The following PHYKPL variants were observed in gnomAD, a reference collection of about 807,000 sequenced individuals.
PHYKPL encodes 5-phosphohydroxy-L-lysine phospho-lyase, also known as 5-phosphonooxy-L-lysine phospho-lyase.
In PHYKPL, 42 loss-of-function variants were observed where a neutral mutation model predicts 51.3. The observed-to-expected ratio is 0.82, with a 90% CI of 0.64 to 1.06. The LOEUF (loss-of-function observed/expected upper bound fraction) is 1.06, where lower values mean the gene tolerates loss of function less well. Ranked by LOEUF, PHYKPL falls within the 50% of genes least tolerant of loss-of-function variation. The probability of loss-of-function intolerance (pLI) is 0.00; values close to 1 mark genes in which losing one functional copy is unlikely to be tolerated. For missense variants in PHYKPL, 655 were observed against 586.6 expected, an observed-to-expected ratio of 1.12 and a Z score of -1.20; for synonymous variants, 264 against 236.0, an observed-to-expected ratio of 1.12 and a Z score of -1.09.
intron 12 of PHYKPL, chr5:178,209,525 C>A: frequency 7.9e-7 from 1 of 1,271,034 alleles, no homozygotes; most frequent in Non-Finnish European, 1.1e-6. Flanking sequence ...GGGGCTCCCT[C>A]TGGTGCTGTG....
intron 10 of PHYKPL, among the ~76,000 whole-genome samples, chr5:178,214,530 G>C (rs1759347701): frequency 6.6e-6 from 1 of 152,146 alleles, no homozygotes; most frequent in Non-Finnish European, 1.5e-5. Context: ...TGCTGCTCTG[G>C]TCTGGGAATA....
intron 12 of PHYKPL, among the ~76,000 whole-genome samples, chr5:178,209,753 TA>T (rs1757613749): frequency 1.3e-5 from 2 of 152,066 alleles, no homozygotes; most frequent in African/African-American, 2.4e-5. Context: ...TGTGAGCAGG[TA>T]GGCAGAAGGG....
chr5:178,222,708 C>T, intron 7 of PHYKPL, 128 bp from the exon 8 acceptor site: 1 of 1,337,638 alleles, frequency 7.5e-7, no homozygotes. Flanking sequence ...CAATGGCTGG[C>T]CTTCTCTGGG....
At chr5:178,219,535 C>T (rs1177911709) in intron 8 of PHYKPL, among the ~76,000 whole-genome samples, 1 of 151,678 alleles carries the variant, frequency 6.6e-6, no homozygotes, top group Non-Finnish European at 1.5e-5. Context: ...CTGCAAGCTC[C>T]GCCTCCCGGG....
Position 178,230,866 on chromosome 5 carries a change from G to C in PHYKPL, c.178+539C>G, listed in dbSNP as rs139395044. 1.3e-3 allele frequency: 201 copies of C among 153,772 alleles called. 2 individuals are homozygous for C. The highest frequency in any genetic ancestry group is 0.01 in the Middle Eastern group (3 of 294). The allele number at this position is 153,772 out of a possible 1,614,324, so 9.5% of individuals were successfully genotyped here. ...TTAAGTAACTTGCCCGAGATCACAA[G>C]TTAGTAAGTAGGGGACAGGGATTTG... is the stretch of plus-strand genomic sequence containing the variant. On this transcript the variant is annotated intron_variant, in intron 2 of 12. Coordinates refer to ENST00000308158, the MANE Select transcript of PHYKPL (RefSeq NM_153373.4).
intron 12 of PHYKPL, among the ~76,000 whole-genome samples, 166 bp from the exon 13 acceptor site, chr5:178,209,081 G>C (rs78891792): frequency 1.3e-5 from 2 of 152,186 alleles, no homozygotes; most frequent in Non-Finnish European, 2.9e-5. Flanking sequence ...CATTAGATAC[G>C]GAGTTGCTCT....
intron 10 of PHYKPL, 47 bp downstream of exon 10, chr5:178,214,749 G>A (rs1297596140): frequency 1.0e-5 from 16 of 1,548,952 alleles, no homozygotes; most frequent in Non-Finnish European, 1.4e-5. Flanking sequence ...AGAGGTACCT[G>A]TGGTGTCTCC....
intron 2 of PHYKPL, 98 bp from the exon 3 acceptor site, chr5:178,230,197 T>G: frequency 6.7e-7 from 1 of 1,483,912 alleles, no homozygotes; most frequent in East Asian, 2.3e-5. Context: ...AGAAGAGATG[T>G]AGTTCTAGAG....
chr5:178,227,845 G>C (rs957111692), intron 3 of PHYKPL, among the ~76,000 whole-genome samples: 1 of 152,192 alleles, frequency 6.6e-6, no homozygotes. Context: ...CATGGAGATG[G>C]AGAGGTGGAG....
chr5:178,212,916 G>C (rs1758911068), intron 11 of PHYKPL, 57 bp downstream of exon 11: 8 of 1,600,124 alleles, frequency 5.0e-6, no homozygotes, highest in Admixed American at 1.7e-5. Flanking sequence ...GGAGGCTCTA[G>C]TTGCTGGCTT....
intron 2 of PHYKPL, 86 bp from the exon 3 acceptor site, chr5:178,230,185 C>A (rs780240846): frequency 5.7e-5 from 87 of 1,530,754 alleles, no homozygotes; most frequent in Non-Finnish European, 7.6e-5. Context: ...ATAAACCCAG[C>A]CAGAAGAGAT....
At chr5:178,230,369 T>C (rs1763139236) in intron 2 of PHYKPL, 1 of 418,890 alleles carries the variant, frequency 2.4e-6, no homozygotes, top group Non-Finnish European at 4.4e-6. Flanking sequence ...CTTTTTTTTT[T>C]TTTTTTAACA....
intron 11 of PHYKPL, 126 bp from the exon 12 acceptor site, chr5:178,212,096 C>A: frequency 8.4e-6 from 8 of 956,616 alleles, no homozygotes; most frequent in Non-Finnish European, 1.3e-5. Context: ...ACACCCATGT[C>A]CCATTCCCCA....
rs551146119 is a variant in PHYKPL, at chr5:178,219,610, C to T, written c.927+2745G>A. Among the ~76,000 whole-genome samples the T allele has an allele frequency of 7.2e-5, 11 of 152,000 alleles. No individual in the cohort carries two copies. In the South Asian group the frequency reaches 1.5e-3, roughly 20 times the overall value. On this transcript the variant is annotated intron_variant, in intron 8 of 12. Transcript: ENST00000308158. Reference sequence around the variant, plus strand: ...GACTACAGGTGCCCGCCACCACGCCCGGCTAATTTTTTCTATTTTTCAGTA... The same window carrying T: ...GACTACAGGTGCCCGCCACCACGCCTGGCTAATTTTTTCTATTTTTCAGTA...
intron 1 of PHYKPL, chr5:178,231,928 C>T: frequency 7.8e-7 from 1 of 1,276,386 alleles, no homozygotes. Context: ...TAAACAGCTC[C>T]TTGCCAGCCA....
Position 178,208,899 on chromosome 5 carries a change from G to A in PHYKPL, c.*48C>T, listed in dbSNP as rs1192229410. ...TCGCCTTCTCAATAGCGTGTATTTG[G>A]ATGAGATGAGTTTCTTCTGTAAAGA... On this transcript the variant is annotated 3_prime_UTR_variant, in exon 13 of 13. Coordinates refer to ENST00000308158, the MANE Select transcript of PHYKPL (RefSeq NM_153373.4). 3 of 157,640 alleles carry A rather than the reference G, an allele frequency of 1.9e-5. No homozygotes were observed. Among genetic ancestry groups the A allele is most frequent in the Middle Eastern group, 3.3e-3 (1 of 302 alleles). 9.8% of individuals were successfully genotyped at this position (157,640 alleles called of 1,614,324 possible).
rs571882216 is a variant in PHYKPL at position 178,224,827 on chromosome 5, A to G, written c.414-98T>C. On this transcript the variant is annotated intron_variant, in intron 4 of 12. Transcript: ENST00000308158. ...CCCCACCCCTGAAGACACACAAGGGAGGCCAACTTTCCTGACAGAGCCCCC... is the reference window on the plus strand; with the variant it reads ...CCCCACCCCTGAAGACACACAAGGGGGGCCAACTTTCCTGACAGAGCCCCC... 1.8e-4 allele frequency: 165 copies of G among 933,504 alleles called. 1 individual carries two copies. In the African/African-American group the frequency reaches 2.6e-3, roughly 15 times the overall value. The allele number at this position is 933,504 out of a possible 1,614,324, so 57.8% of individuals were successfully genotyped here.
intron 1 of PHYKPL, 91 bp downstream of exon 1, chr5:178,232,401 G>A: frequency 6.0e-6 from 8 of 1,336,010 alleles, no homozygotes; most frequent in East Asian, 6.4e-5. Context: ...AGCCGGAGGC[G>A]CGTGCGTAGT....
chr5:178,214,527 C>G (rs1191292574), intron 10 of PHYKPL, among the ~76,000 whole-genome samples: 2 of 152,176 alleles, frequency 1.3e-5, no homozygotes, highest in Admixed American at 6.5e-5. Flanking sequence ...AGGTGCTGCT[C>G]TGGTCTGGGA....
Sources: allele counts gnomAD v4.1 joint callset (sites outside exome capture counted in the v4.1 genomes callset), GRCh38; gene constraint gnomAD v4.1.1; transcripts MANE v1.5; gene names NCBI Gene and HGNC (gene_info 2026-07-23, HGNC 2026-07-21).